Variants in DYNC2I1 observed in about 807,000 individuals in gnomAD.
The protein encoded by DYNC2I1 is cytoplasmic dynein 2 intermediate chain 1.
DYNC2I1 carries 89 observed loss-of-function variants against 133.4 expected under a neutral mutation model. The observed-to-expected ratio is 0.67, with a 90% CI of 0.56 to 0.80. DYNC2I1 has a LOEUF of 0.80. DYNC2I1 is among the 30% of genes least tolerant of loss of function. The pLI is 0.00. For synonymous variants in DYNC2I1, 504 were observed against 484.3 expected (o/e 1.04, Z -0.54); for missense variants, 1,291 against 1,314.5 (o/e 0.98, Z 0.28).
At chr7:158,876,942 T>G (rs1462806339) in intron 4 of DYNC2I1, among the ~76,000 whole-genome samples, 1 of 152,238 alleles carries the variant, frequency 6.6e-6, no homozygotes, top group Non-Finnish European at 1.5e-5. Flanking sequence ...AAACAAAAAC[T>G]GTCTAATCCT....
downstream of DYNC2I1, among the ~76,000 whole-genome samples, chr7:158,949,090 C>G (rs1851973478): frequency 6.6e-6 from 1 of 152,156 alleles, no homozygotes; most frequent in South Asian, 2.1e-4. Context: ...AGCAGTTCCT[C>G]CAAGCAGTGG....
At chr7:158,846,431 C>G in the DYNC2I1 span, among the ~76,000 whole-genome samples, 1 of 151,650 alleles carries the variant, frequency 6.6e-6, no homozygotes, top group Non-Finnish European at 1.5e-5. Flanking sequence ...AATGGTTGTT[C>G]AAGAAAGAGG....
intron 11 of DYNC2I1, among the ~76,000 whole-genome samples, chr7:158,908,058 G>A (rs886629126): frequency 5.3e-5 from 8 of 151,560 alleles, no homozygotes; most frequent in African/African-American, 9.8e-5. Flanking sequence ...ATGAAAGGCC[G>A]AAACATAAAG....
chr7:158,870,139 G>A (rs190243783), intron 2 of DYNC2I1, among the ~76,000 whole-genome samples: 3 of 152,290 alleles, frequency 2.0e-5, no homozygotes, highest in Non-Finnish European at 4.4e-5. Context: ...AGGGGCCTCC[G>A]CACTGCTTTA....
chr7:158,871,680 CT>C, intron 3 of DYNC2I1, 118 bp downstream of exon 3: 20 of 1,190,076 alleles, frequency 1.7e-5, no homozygotes, highest in Non-Finnish European at 2.2e-5. Context: ...TTCCCCTTTC[CT>C]TTTTTTTCTG....
chr7:158,884,013 C>T (rs919699451), intron 5 of DYNC2I1, among the ~76,000 whole-genome samples: 2 of 148,698 alleles, frequency 1.3e-5, no homozygotes, highest in Non-Finnish European at 3.0e-5. Context: ...CGTTGTTATC[C>T]TATCTGCCAC....
At chr7:158,929,774 G>C (rs1850031198) in intron 20 of DYNC2I1, among the ~76,000 whole-genome samples, 1 of 152,200 alleles carries the variant, frequency 6.6e-6, no homozygotes, top group African/African-American at 2.4e-5. Flanking sequence ...TCCCCTTGTA[G>C]TAGTTTTAGA....
intron 1 of DYNC2I1, among the ~76,000 whole-genome samples, chr7:158,859,213 T>C (rs1452961028): frequency 2.0e-5 from 3 of 151,480 alleles, no homozygotes; most frequent in Non-Finnish European, 4.4e-5. Context: ...CTGTATGCCC[T>C]AAGAATATCC....
chr7:158,847,319 A>AT, the DYNC2I1 span, among the ~76,000 whole-genome samples: 18 of 152,178 alleles, frequency 1.2e-4, no homozygotes, highest in Admixed American at 3.9e-4. Context: ...AAGAAAATGC[A>AT]TTTTTTTCTA....
chr7:158,877,550 C>T (rs1843482828), intron 4 of DYNC2I1, among the ~76,000 whole-genome samples: 1 of 152,158 alleles, frequency 6.6e-6, no homozygotes, highest in African/African-American at 2.4e-5. Context: ...AGCATAATTC[C>T]TTATGTCCTA....
chr7:158,858,813 A>T (rs990179755), intron 1 of DYNC2I1, among the ~76,000 whole-genome samples: 9 of 18,974 alleles, frequency 4.7e-4, no homozygotes, highest in Non-Finnish European at 7.5e-4. Flanking sequence ...CCCTCCCCCC[A>T]CTTTCCTCTC....
At chr7:158,940,518 A>G (rs914207858) in intron 23 of DYNC2I1, among the ~76,000 whole-genome samples, 2 of 152,186 alleles carry the variant, frequency 1.3e-5, no homozygotes, top group Non-Finnish European at 2.9e-5. Flanking sequence ...TATTTCTCTC[A>G]ACTGCTGCAG....
the DYNC2I1 span, among the ~76,000 whole-genome samples, chr7:158,848,307 T>G: frequency 6.6e-6 from 1 of 152,214 alleles, no homozygotes; most frequent in Non-Finnish European, 1.5e-5. Flanking sequence ...GGATTTATGA[T>G]GACTGGGATA....
At chr7:158,924,175 G>A (rs1849383687) in intron 17 of DYNC2I1, among the ~76,000 whole-genome samples, 1 of 152,206 alleles carries the variant, frequency 6.6e-6, no homozygotes, top group Non-Finnish European at 1.5e-5. Flanking sequence ...CACCACAGTA[G>A]GCACCTGGCA....
chr7:158,870,793 A>G (rs1005352392), intron 2 of DYNC2I1, among the ~76,000 whole-genome samples: 1 of 152,140 alleles, frequency 6.6e-6, no homozygotes, highest in Non-Finnish European at 1.5e-5. Context: ...TGACACCCGA[A>G]TAGTACCTGT....
chr7:158,937,054 G>C (rs1390300095), intron 23 of DYNC2I1, among the ~76,000 whole-genome samples: 2 of 152,206 alleles, frequency 1.3e-5, no homozygotes, highest in African/African-American at 2.4e-5. Context: ...CAAAAATCCA[G>C]TGACTGACCT....
chr7:158,913,002 C>A lies in DYNC2I1; in HGVS notation c.1608C>A (p.Asn536Lys), dbSNP rs753410636. The A allele has an allele frequency of 1.1e-5, 18 of 1,611,726 alleles. No homozygotes were observed. Among genetic ancestry groups the A allele is most frequent in the Non-Finnish European group, 1.4e-5 (17 of 1,178,894 alleles). ...KNTKQAYVQC[N>K]EDNVERDIQT... The stretch of plus-strand genomic sequence containing the variant: ...TTTTTAAGGCATATGTTCAGTGTAA[C>A]GAAGATAATGTTGAAAGAGACATTC... Residue 536 changes from asparagine to lysine, a missense_variant, in exon 13 of 25, where the codon AAC (asparagine) becomes AAA (lysine). By Grantham distance (94) the Asn-to-Lys change is moderately conservative (BLOSUM62 0). Coordinates refer to ENST00000407559, the MANE Select transcript of DYNC2I1 (RefSeq NM_018051.5).
At chr7:158,887,613 A>G (rs930023965) in intron 7 of DYNC2I1, among the ~76,000 whole-genome samples, 4 of 152,220 alleles carry the variant, frequency 2.6e-5, no homozygotes, top group Non-Finnish European at 1.5e-5. Flanking sequence ...CCTAGAGACT[A>G]TCAGTTACTA....
chr7:158,881,753 AT>A (rs1345170043), intron 5 of DYNC2I1, among the ~76,000 whole-genome samples: 1 of 151,908 alleles, frequency 6.6e-6, no homozygotes, highest in Non-Finnish European at 1.5e-5. Context: ...GCGCCCGGCC[AT>A]TTTTTTTGTT....
Sources: allele counts gnomAD v4.1 joint callset (sites outside exome capture counted in the v4.1 genomes callset), GRCh38; gene constraint gnomAD v4.1.1; transcripts MANE v1.5; gene names NCBI Gene and HGNC (gene_info 2026-07-23, HGNC 2026-07-21).